Variants in EXOC6B observed in about 807,000 individuals in gnomAD.
EXOC6B encodes exocyst complex component 6B.
A neutral mutation model predicts 113.5 loss-of-function variants in EXOC6B; 54 were observed. The observed-to-expected ratio is 0.48, with a 90% CI of 0.38 to 0.60. EXOC6B has a LOEUF of 0.60. Among genes scored for constraint, EXOC6B ranks in the 20% least tolerant of loss-of-function variants. The pLI, the probability that EXOC6B is intolerant of heterozygous loss-of-function variation, is 0.00. For missense variants in EXOC6B, 797 were observed against 977.5 expected (o/e 0.82, Z 2.46); for synonymous variants, 357 against 339.0 (o/e 1.05, Z -0.58).
chr2:72,181,794 C>T (rs139552668), intron 21 of EXOC6B, among the ~76,000 whole-genome samples: 17 of 152,214 alleles, frequency 1.1e-4, no homozygotes, highest in Non-Finnish European at 2.1e-4. Flanking sequence ...AACTCAAGTA[C>T]CCTGAGGGCT....
intron 18 of EXOC6B, among the ~76,000 whole-genome samples, chr2:72,434,970 C>T (rs963779016): frequency 5.9e-5 from 9 of 152,030 alleles, no homozygotes; most frequent in African/African-American, 2.2e-4. Context: ...TTTGCTCTTA[C>T]TTCTCTAGTT....
intron 16 of EXOC6B, among the ~76,000 whole-genome samples, chr2:72,487,605 C>A (rs1035794076): frequency 1.3e-5 from 2 of 152,212 alleles, no homozygotes; most frequent in African/African-American, 4.8e-5. Context: ...GTGATTCACC[C>A]GCCTCAGCCT....
chr2:72,738,175 G>A (rs1681084623), intron 2 of EXOC6B, among the ~76,000 whole-genome samples: 1 of 152,084 alleles, frequency 6.6e-6, no homozygotes, highest in Non-Finnish European at 1.5e-5. Flanking sequence ...GTTTCTCTAT[G>A]AAGTCATCAG....
At chr2:72,374,829 T>C (rs1691254312) in intron 19 of EXOC6B, among the ~76,000 whole-genome samples, 1 of 149,730 alleles carries the variant, frequency 6.7e-6, no homozygotes, top group Non-Finnish European at 1.5e-5. Flanking sequence ...ACCTACAAAA[T>C]TTAAAAAATT....
intron 6 of EXOC6B, among the ~76,000 whole-genome samples, chr2:72,617,208 C>G (rs369664959): frequency 3.7e-4 from 57 of 152,326 alleles, no homozygotes; most frequent in African/African-American, 1.2e-3. Context: ...GTATAGCCCC[C>G]CTCCTGGCTG....
At chr2:72,231,602 A>G (rs1167950719) in intron 20 of EXOC6B, among the ~76,000 whole-genome samples, 1 of 152,056 alleles carries the variant, frequency 6.6e-6, no homozygotes, top group Non-Finnish European at 1.5e-5. Flanking sequence ...AAGAGTAGTA[A>G]CTCTACTATA....
chr2:72,479,372 A>T (rs924884151), intron 17 of EXOC6B, among the ~76,000 whole-genome samples: 1 of 152,206 alleles, frequency 6.6e-6, no homozygotes, highest in Non-Finnish European at 1.5e-5. Context: ...TAATAGCAGT[A>T]TGAATCAAAT....
chr2:72,256,686 C>T (rs746318550), intron 20 of EXOC6B, among the ~76,000 whole-genome samples: 19 of 152,138 alleles, frequency 1.2e-4, no homozygotes, highest in Non-Finnish European at 2.1e-4. Context: ...TCACACTGCC[C>T]CTACTCCCAA....
rs559734431 is a variant in EXOC6B, at chr2:72,821,439, T to A, written c.113+4359A>T. 5.3e-5 allele frequency among the ~76,000 whole-genome samples: 8 copies of A among 152,192 alleles called. 1 individual carries two copies. Among genetic ancestry groups the A allele is most frequent in the African/African-American group, 1.9e-4 (8 of 41,532 alleles). On this transcript the variant is annotated intron_variant, in intron 1 of 21. Coordinates refer to ENST00000272427, the MANE Select transcript of EXOC6B (RefSeq NM_015189.3). Reference sequence around the variant, plus strand: ...TTCCTCATAATGTTAAACATAGAGTTACCTTACAGCCTAGAAATTCCACTC... The same window carrying A: ...TTCCTCATAATGTTAAACATAGAGTAACCTTACAGCCTAGAAATTCCACTC...
intron 18 of EXOC6B, chr2:72,464,236 G>A (rs2105414204): frequency 6.6e-6 from 1 of 152,280 alleles, no homozygotes; most frequent in East Asian, 1.9e-4. Flanking sequence ...GTACTGCTAA[G>A]TCTCCTTCTC....
chr2:72,664,929 C>A (rs890637036), intron 6 of EXOC6B, among the ~76,000 whole-genome samples: 5 of 152,214 alleles, frequency 3.3e-5, no homozygotes, highest in Admixed American at 1.3e-4. Flanking sequence ...TGGGCCCAGT[C>A]CCAACACTCC....
chr2:72,525,817 C>T (rs1430077398), intron 8 of EXOC6B, among the ~76,000 whole-genome samples: 1 of 152,048 alleles, frequency 6.6e-6, no homozygotes, highest in Non-Finnish European at 1.5e-5. Flanking sequence ...CCAGTTACAA[C>T]TAAGGGTATG....
chr2:72,478,576 G>A (rs1428069212), intron 17 of EXOC6B, among the ~76,000 whole-genome samples: 2 of 152,162 alleles, frequency 1.3e-5, no homozygotes, highest in East Asian at 3.8e-4. Flanking sequence ...GACCTTTAGT[G>A]GTCTCCAGAA....
At chr2:72,330,108 T>G (rs1314087376) in intron 20 of EXOC6B, among the ~76,000 whole-genome samples, 1 of 151,962 alleles carries the variant, frequency 6.6e-6, no homozygotes, top group East Asian at 1.9e-4. Flanking sequence ...TAAGTATATA[T>G]CAGAAGTAAA....
chr2:72,767,831 A>AAAAAAAAAAAAAAAC (rs1204403797), intron 1 of EXOC6B, among the ~76,000 whole-genome samples: 1 of 142,950 alleles, frequency 7.0e-6, no homozygotes, highest in African/African-American at 2.6e-5. Flanking sequence ...AAAAAAAAAA[A>AAAAAAAAAAAAAAAC]AAGACCAAGT....
chr2:72,333,550 T>A (rs1688522597), intron 20 of EXOC6B, among the ~76,000 whole-genome samples: 1 of 152,156 alleles, frequency 6.6e-6, no homozygotes, highest in Admixed American at 6.5e-5. Flanking sequence ...AAAATCCCAA[T>A]CTTTCAATCT....
intron 1 of EXOC6B, among the ~76,000 whole-genome samples, chr2:72,758,918 C>T (rs1341454727): frequency 1.3e-5 from 2 of 152,240 alleles, no homozygotes; most frequent in Non-Finnish European, 2.9e-5. Flanking sequence ...CCAGACTAAA[C>T]AATCTCAAAT....
intron 18 of EXOC6B, among the ~76,000 whole-genome samples, chr2:72,420,568 C>T (rs1413703631): frequency 1.3e-5 from 2 of 152,190 alleles, no homozygotes; most frequent in African/African-American, 2.4e-5. Flanking sequence ...GACATGAGCT[C>T]ATCCTTTTTT....
At chr2:72,211,237 C>T (rs1444649754) in intron 20 of EXOC6B, among the ~76,000 whole-genome samples, 3 of 152,158 alleles carry the variant, frequency 2.0e-5, no homozygotes, top group East Asian at 1.9e-4. Flanking sequence ...TATTTCTGGA[C>T]ACAATTTCTC....
Sources: gnomAD v4.1 joint callset for allele counts (sites outside exome capture counted in the v4.1 genomes callset) on GRCh38, gnomAD v4.1.1 for gene constraint, MANE v1.5 for transcripts, NCBI Gene and HGNC (gene_info 2026-07-23, HGNC 2026-07-21) for gene names.